Variants in ZNF8 observed in about 807,000 individuals in gnomAD.
ZNF8 encodes the protein zinc finger protein 8.
ZNF8 carries 9 observed loss-of-function variants against 12.2 expected under a neutral mutation model. That is an observed-to-expected ratio of 0.73 (90% CI 0.44 to 1.28). The LOEUF is 1.28. ZNF8 is among the 50% of genes most tolerant of loss of function. The pLI is 0.00. For synonymous variants in ZNF8, 274 were observed against 282.3 expected (o/e 0.97, Z 0.30); for missense variants, 664 against 729.1 (o/e 0.91, Z 1.03).
intron 3 of ZNF8, among the ~76,000 whole-genome samples, chr19:58,289,400 G>T (rs148750258): frequency 6.6e-6 from 1 of 151,572 alleles, no homozygotes; most frequent in Non-Finnish European, 1.5e-5. Context: ...GGAGGCTGAG[G>T]CACAAGAATC....
At chr19:58,279,351 C>G (rs1189039253) in intron 1 of ZNF8, 4 of 1,465,154 alleles carry the variant, frequency 2.7e-6, no homozygotes, top group Non-Finnish European at 2.7e-6. Context: ...CGCCTGGCCC[C>G]CGAATGCGCA....
chr19:58,279,931 G>C (rs2051338833), intron 1 of ZNF8: 2 of 1,116,776 alleles, frequency 1.8e-6, no homozygotes, highest in African/African-American at 3.3e-5. Flanking sequence ...CATTATTTCA[G>C]ATTTGGTACA....
At chr19:58,286,013 C>A in intron 2 of ZNF8, 97 bp from the exon 3 acceptor site, 2 of 1,430,196 alleles carry the variant, frequency 1.4e-6, no homozygotes, top group Non-Finnish European at 1.9e-6. Context: ...TGTGAGGTGC[C>A]CACGTGTCCT....
rs913607653 is a variant in ZNF8 at position 58,295,702 on chromosome 19, A to G, written c.*166A>G. On this transcript the variant is annotated 3_prime_UTR_variant, in exon 4 of 4. Transcript: ENST00000621650. Reference sequence around the variant, plus strand: ...CCCGAGGTTGGTTGGTCCCAAATCTATCAAACTCAGTGCCCTCTTTAGCGA... The same window carrying G: ...CCCGAGGTTGGTTGGTCCCAAATCTGTCAAACTCAGTGCCCTCTTTAGCGA... 1.5e-5 allele frequency: 9 copies of G among 619,150 alleles called. No homozygotes were observed. Among genetic ancestry groups the G allele is most frequent in the African/African-American group, 5.5e-5 (3 of 54,308 alleles). The allele number at this position is 619,150 out of a possible 1,614,324, so 38.4% of individuals were successfully genotyped here.
At position 58,295,058 on chromosome 19, in the gene ZNF8, G is replaced by A. The variant is rs745776060; in HGVS notation, c.1250G>A (p.Arg417Gln). ...AGCTCATCCCTGGCCCAGCACCAGCGGAAGCACGCGGGGGAGAAGCCCTTT... is the reference window on the plus strand; with the variant it reads ...AGCTCATCCCTGGCCCAGCACCAGCAGAAGCACGCGGGGGAGAAGCCCTTT... Reference protein sequence around the residue: ...RHSSSLAQHQRKHAGEKPFEC... With the variant: ...RHSSSLAQHQQKHAGEKPFEC... Residue 417 changes from arginine to glutamine, a missense_variant, in exon 4 of 4, where the codon CGG (arginine) becomes CAG (glutamine). Arg to Gln is a conservative substitution (Grantham distance 43). Transcript: ENST00000621650. 17 of 1,613,968 alleles carry A rather than the reference G, an allele frequency of 1.1e-5. No homozygotes were observed. Among genetic ancestry groups the A allele is most frequent in the South Asian group, 7.7e-5 (7 of 91,090 alleles).
At chr19:58,279,592 G>A in intron 1 of ZNF8, 2 of 1,533,184 alleles carry the variant, frequency 1.3e-6, no homozygotes, top group Non-Finnish European at 1.7e-6. Flanking sequence ...CACCCACCGG[G>A]ACCCCAGCAC....
chr19:58,295,341 C>T lies in ZNF8; in HGVS notation c.1533C>T (p.His511=). 6.2e-7 allele frequency: 1 copy of T among 1,614,234 alleles called. No individual in the cohort carries two copies. Among genetic ancestry groups the T allele is most frequent in the Non-Finnish European group, 8.5e-7 (1 of 1,180,018 alleles). The change falls in exon 4 of 4, where the codon CAC becomes CAT. Residue 511 remains histidine (H), a synonymous_variant. Transcript: ENST00000621650. ...AACAATCCTCGAGCAGGAACTCACACCTGGTTCAGCATCAACACCCGAACT... is the reference window on the plus strand; with the variant it reads ...AACAATCCTCGAGCAGGAACTCACATCTGGTTCAGCATCAACACCCGAACT... The part of the protein sequence containing the change: ...RREQSSSRNS[H]LVQHQHPNSR...
chr19:58,279,531 A>G, intron 1 of ZNF8: 2 of 1,505,748 alleles, frequency 1.3e-6, no homozygotes, highest in African/African-American at 2.8e-5. Context: ...CCGGGTGCCC[A>G]GATGGCAAGA....
At chr19:58,287,958 A>C (rs367744794) in intron 3 of ZNF8, among the ~76,000 whole-genome samples, 2 of 138,196 alleles carry the variant, frequency 1.4e-5, no homozygotes, top group East Asian at 4.2e-4. Context: ...TCCTGCCTCA[A>C]CCTCCTAAGT....
chr19:58,295,398 A>G lies in ZNF8; in HGVS notation c.1590A>G (p.Ala530=). 6.2e-7 allele frequency: 1 copy of G among 1,614,178 alleles called. No individual in the cohort carries two copies. Among genetic ancestry groups the G allele is most frequent in the Non-Finnish European group, 8.5e-7 (1 of 1,180,022 alleles). The part of the protein sequence containing the change: ...SRKSSAGGAK[A]GQPESRALAL... ...AGAGCTCTGCAGGCGGAGCAAAGGC[A>G]GGGCAGCCGGAAAGCAGAGCCCTGG... The change falls in exon 4 of 4, where the codon GCA becomes GCG. Residue 530 remains alanine, a synonymous_variant. Transcript: ENST00000621650.
intron 2 of ZNF8, 64 bp downstream of exon 2, chr19:58,285,907 G>A: frequency 6.4e-7 from 1 of 1,551,056 alleles, no homozygotes; most frequent in Non-Finnish European, 8.7e-7. Flanking sequence ...TGGGGCCTCT[G>A]GTGTGAGGAC....
intron 3 of ZNF8, among the ~76,000 whole-genome samples, chr19:58,292,974 G>A (rs534033479): frequency 6.6e-6 from 1 of 150,612 alleles, no homozygotes; most frequent in South Asian, 2.1e-4. Flanking sequence ...TTGAGACAGA[G>A]TCTCTGCTTG....
At position 58,299,895 on chromosome 19, in the gene ZNF8, TCTAGAGGTTCAACAGGACC is replaced by T. The variant is rs1300650555; in HGVS notation, c.*4362_*4380del. 1.3e-5 allele frequency: 2 copies of T among 152,314 alleles called. No individual in the cohort carries two copies. The highest frequency in any genetic ancestry group is 6.5e-5 in the Admixed American group (1 of 15,306). 9.4% of individuals were successfully genotyped at this position (152,314 alleles called of 1,614,324 possible). A position where few individuals can be genotyped will look rare whatever the true frequency, so the allele number is the denominator to read the frequency against. The stretch of plus-strand genomic sequence containing the variant: ...CAGAGCCAGAGCTTTGTGGTTCATC[TCTAGAGGTTCAACAGGACC>T]CTGTGGATGGCCCAAGTTCGTTTCT... On this transcript the variant is annotated 3_prime_UTR_variant, in exon 4 of 4. Coordinates refer to ENST00000621650, the MANE Select transcript of ZNF8 (RefSeq NM_021089.3).
At chr19:58,281,967 G>T (rs1045743674) in intron 1 of ZNF8, among the ~76,000 whole-genome samples, 1 of 152,078 alleles carries the variant, frequency 6.6e-6, no homozygotes, top group Non-Finnish European at 1.5e-5. Context: ...ACAAAAATTA[G>T]CTGGGTTTGG....
intron 1 of ZNF8, among the ~76,000 whole-genome samples, chr19:58,284,910 G>T (rs571905223): frequency 2.0e-5 from 3 of 152,250 alleles, no homozygotes; most frequent in African/African-American, 7.2e-5. Flanking sequence ...CTTCAGAGAT[G>T]AGCAGTTCTG....
chr19:58,285,944 G>T, intron 2 of ZNF8, 101 bp downstream of exon 2: 1 of 1,496,848 alleles, frequency 6.7e-7, no homozygotes, highest in South Asian at 1.3e-5. Context: ...ACTCCCTATG[G>T]GGAGTGCATG....
Position 58,295,126 on chromosome 19 carries a change from A to G in ZNF8, c.1318A>G (p.Thr440Ala). The G allele has an allele frequency of 6.2e-7, 1 of 1,614,018 alleles. No individual in the cohort carries two copies. Among genetic ancestry groups the G allele is most frequent in the Non-Finnish European group, 8.5e-7 (1 of 1,180,038 alleles). Residue 440 changes from threonine to alanine, a missense_variant, in exon 4 of 4, where the codon ACA becomes GCA. Thr to Ala is a moderately conservative substitution (Grantham distance 58). This residue lies in a region of ZNF8 where 225 missense variants were observed against 222.0 expected (regional missense o/e 1.01). Transcript: ENST00000621650. ...GATCTTTGAGCAGACGCCAGCTCTC[A>G]CAAAGCATGAATGGACAGAAGCCCT... Reference protein sequence around the residue: ...RLIFEQTPALTKHEWTEALGC... With the variant: ...RLIFEQTPALAKHEWTEALGC...
In ZNF8 at chr19:58,294,110, G is replaced by A. The variant is rs754804087; in HGVS notation, c.302G>A (p.Arg101Gln). ...GGTTTTCTTTCAGCCTGGGAGCCTC[G>A]ATCTGAAAGCCAAGCATCACGCAAG... ...TQGCHPAWEPRSESQASRKEE... is the reference protein window; with the variant it reads ...TQGCHPAWEPQSESQASRKEE... The change falls in exon 4 of 4, where the codon CGA becomes CAA. Residue 101 changes from arginine (R) to glutamine (Q), a missense_variant. This residue lies in a region of ZNF8 where 306 missense variants were observed against 308.7 expected (regional missense o/e 0.99). Coordinates refer to ENST00000621650, the MANE Select transcript of ZNF8 (RefSeq NM_021089.3). This position sits in a 1 kb window ranked among gnomAD's most constrained non-coding sequence, Gnocchi z 5.5. 34 of 1,598,004 alleles carry A rather than the reference G, an allele frequency of 2.1e-5. No homozygotes were observed. Among genetic ancestry groups the A allele is most frequent in the East Asian group, 4.5e-5 (2 of 44,476 alleles).
chr19:58,279,882 T>A, intron 1 of ZNF8: 1 of 1,167,282 alleles, frequency 8.6e-7, no homozygotes, highest in Non-Finnish European at 1.1e-6. Context: ...AATTATACTT[T>A]TTTTTATTTT....
Sources: gnomAD v4.1 joint callset for allele counts (sites outside exome capture counted in the v4.1 genomes callset) on GRCh38, gnomAD v4.1.1 for gene constraint, gnomAD v4.1.1 regional missense constraint, Gnocchi (gnomAD v3.1) non-coding constraint, MANE v1.5 for transcripts, NCBI Gene and HGNC (gene_info 2026-07-23, HGNC 2026-07-21) for gene names.